Variants in AP1G1 observed in about 807,000 individuals in gnomAD.
AP1G1 encodes AP-1 complex subunit gamma-1.
Under a neutral mutation model 108.3 loss-of-function variants are expected in AP1G1, and 7 were observed. The ratio of observed to expected loss-of-function variants is 0.06; its 90% CI spans 0.04 to 0.12. The LOEUF (loss-of-function observed/expected upper bound fraction) is 0.12. AP1G1 is among the 10% of genes least tolerant of loss of function. The probability of loss-of-function intolerance (pLI) is 1.00; values close to 1 mark genes in which losing one functional copy is unlikely to be tolerated. For missense variants in AP1G1, 756 were observed against 1,010.7 expected (o/e 0.75, Z 3.42); for synonymous variants, 379 against 353.5 (o/e 1.07, Z -0.81).
intron 1 of AP1G1, among the ~76,000 whole-genome samples, chr16:71,793,955 T>G (rs1182290588): frequency 6.6e-6 from 1 of 152,158 alleles, no homozygotes; most frequent in African/African-American, 2.4e-5. Flanking sequence ...TGAGCTCAAG[T>G]GATCCACCCA....
intron 2 of AP1G1, among the ~76,000 whole-genome samples, chr16:71,776,168 C>G (rs781142484): frequency 6.6e-6 from 1 of 152,188 alleles, no homozygotes; most frequent in Non-Finnish European, 1.5e-5. Flanking sequence ...AATTTATCTA[C>G]TAAATTCGAA....
intron 1 of AP1G1, among the ~76,000 whole-genome samples, chr16:71,807,055 C>T (rs1049222192): frequency 6.6e-6 from 1 of 152,182 alleles, no homozygotes; most frequent in African/African-American, 2.4e-5. Flanking sequence ...TGTGAAAACC[C>T]AGGCTGAGAT....
chr16:71,801,710 C>G (rs1275199211), intron 1 of AP1G1, among the ~76,000 whole-genome samples: 1 of 152,106 alleles, frequency 6.6e-6, no homozygotes, highest in Non-Finnish European at 1.5e-5. Flanking sequence ...ATCACAAGGT[C>G]AGGAGATCAC....
At chr16:71,749,764 T>C in intron 15 of AP1G1, 130 bp downstream of exon 15, 2 of 747,032 alleles carry the variant, frequency 2.7e-6, no homozygotes, top group Non-Finnish European at 4.7e-6. Context: ...GCGCTGGGAT[T>C]ATAGGCATGA....
At chr16:71,758,128 T>C (rs994235475) in intron 11 of AP1G1, among the ~76,000 whole-genome samples, 43 of 152,232 alleles carry the variant, frequency 2.8e-4, no homozygotes, top group African/African-American at 9.4e-4. Flanking sequence ...CATCAATAAA[T>C]GTTTGTTAAC....
At chr16:71,734,934 G>A (rs1388144795) in intron 21 of AP1G1, among the ~76,000 whole-genome samples, 2 of 152,218 alleles carry the variant, frequency 1.3e-5, no homozygotes, top group Non-Finnish European at 2.9e-5. Flanking sequence ...ATGACAACTA[G>A]TAATAAACCA....
At position 71,748,308 on chromosome 16, in the gene AP1G1, C is replaced by T. The variant is rs761365716; in HGVS notation, c.1568G>A (p.Arg523Gln). Residue 523 changes from arginine to glutamine, a missense_variant, in exon 16 of 23, where the codon CGA (arginine) becomes CAA (glutamine). Transcript: ENST00000299980. ...CATAATGGCAGTGAGGGCATAACCTCGTGTCACAGAGGTGGACATATTAGA... is the reference window on the plus strand; with the variant it reads ...CATAATGGCAGTGAGGGCATAACCTTGTGTCACAGAGGTGGACATATTAGA... The part of the protein sequence containing the change: ...LISNMSTSVT[R>Q]GYALTAIMKL... 3.1e-6 allele frequency: 5 copies of T among 1,613,852 alleles called. No individual in the cohort carries two copies. Among genetic ancestry groups the T allele is most frequent in the Non-Finnish European group, 3.4e-6 (4 of 1,179,848 alleles).
intron 1 of AP1G1, among the ~76,000 whole-genome samples, chr16:71,793,478 A>G (rs1262978847): frequency 6.6e-6 from 1 of 152,192 alleles, no homozygotes; most frequent in Non-Finnish European, 1.5e-5. Flanking sequence ...TATCTATGAT[A>G]GTTAAAAATG....
intron 1 of AP1G1, among the ~76,000 whole-genome samples, chr16:71,807,230 T>C (rs941639255): frequency 2.8e-4 from 42 of 152,286 alleles, no homozygotes; most frequent in Admixed American, 2.7e-3. Flanking sequence ...GTTCGAGATC[T>C]GCCTGGGCAA....
At chr16:71,739,505 T>C (rs1210783317) in intron 19 of AP1G1, among the ~76,000 whole-genome samples, 164 bp from the exon 20 acceptor site, 2 of 152,126 alleles carry the variant, frequency 1.3e-5, no homozygotes, top group East Asian at 1.9e-4. Context: ...TCAAGTACTT[T>C]AAAACGAGCA....
In AP1G1 at chr16:71,773,269, T is replaced by C. The variant is rs780012525; in HGVS notation, c.420A>G (p.Gly140=). ...GSSEMCRDLA[G]EVEKLLKTSN... is the part of the protein sequence containing the mutation. ...AGGTTTTCAGGAGCTTCTCTACCTC[T>C]CCTGCAAGATCTCTGCACATCTCTG... Residue 140 remains glycine (G), a synonymous_variant, in exon 4 of 23, where the codon GGA becomes GGG. Transcript: ENST00000299980. The C allele has an allele frequency of 1.9e-6, 3 of 1,613,284 alleles. No individual in the cohort carries two copies. Among genetic ancestry groups the C allele is most frequent in the Admixed American group, 1.7e-5 (1 of 59,794 alleles).
rs1292505236 is a variant in AP1G1, at chr16:71,732,937, G to A, written c.*121C>T. On this transcript the variant is annotated 3_prime_UTR_variant, in exon 23 of 23. Transcript: ENST00000299980. The stretch of plus-strand genomic sequence containing the variant: ...AGTAACTTTAGGAAAATCCTCCTCA[G>A]CAGTTCTCTTCAGCTCCTCATGCCC... The A allele has an allele frequency of 2.8e-6, 2 of 712,276 alleles. No individual in the cohort carries two copies. Among genetic ancestry groups the A allele is most frequent in the African/African-American group, 3.6e-5 (2 of 55,992 alleles). The allele number at this position is 712,276 out of a possible 1,614,324, so 44.1% of individuals were successfully genotyped here. A position where few individuals can be genotyped will look rare whatever the true frequency, so the allele number is the denominator to read the frequency against.
At chr16:71,740,205 A>AGC (rs1192073014) in intron 19 of AP1G1, among the ~76,000 whole-genome samples, 3 of 152,200 alleles carry the variant, frequency 2.0e-5, no homozygotes, top group Non-Finnish European at 4.4e-5. Flanking sequence ...TGACAGTAAT[A>AGC]GCTTTTAGGC....
intron 2 of AP1G1, among the ~76,000 whole-genome samples, chr16:71,784,089 G>C (rs944268622): frequency 7.2e-5 from 11 of 152,050 alleles, no homozygotes; most frequent in Admixed American, 7.2e-4. Context: ...CTAGACAAAA[G>C]GTCCATATAA....
In AP1G1 at chr16:71,779,585, C is replaced by A. The variant is rs572585064; in HGVS notation, c.202-4993G>T. Among the ~76,000 whole-genome samples the A allele has an allele frequency of 6.6e-5, 10 of 152,226 alleles. 1 individual carries two copies. The highest frequency in any genetic ancestry group is 1.5e-4 in the Non-Finnish European group (10 of 68,014). ...CAAACTCCTGGCTTCAAGTGATCTGCCCACCTCGCCTCCCAAAGCACTGGT... is the reference window on the plus strand; with the variant it reads ...CAAACTCCTGGCTTCAAGTGATCTGACCACCTCGCCTCCCAAAGCACTGGT... On this transcript the variant is annotated intron_variant, in intron 2 of 22. Transcript: ENST00000299980.
intron 1 of AP1G1, among the ~76,000 whole-genome samples, chr16:71,807,045 T>C (rs1361752786): frequency 1.3e-5 from 2 of 152,250 alleles, no homozygotes; most frequent in African/African-American, 4.8e-5. Flanking sequence ...CTTTTGCAGA[T>C]GTGAAAACCC....
In AP1G1 at chr16:71,732,359, C is replaced by T. The variant is rs1241190151; in HGVS notation, c.*699G>A. 6.6e-6 allele frequency: 1 copy of T among 152,600 alleles called. No homozygotes were observed. The highest frequency in any genetic ancestry group is 1.9e-4 in the East Asian group (1 of 5,198). 9.5% of individuals were successfully genotyped at this position (152,600 alleles called of 1,614,324 possible). On this transcript the variant is annotated 3_prime_UTR_variant, in exon 23 of 23. Coordinates refer to ENST00000299980, the MANE Select transcript of AP1G1 (RefSeq NM_001128.6). ...CCATATCCTTCATGCCAAATCTCAACAAAAGCTCTTTTTAACTCCATCTGT... is the reference window on the plus strand; with the variant it reads ...CCATATCCTTCATGCCAAATCTCAATAAAAGCTCTTTTTAACTCCATCTGT...
rs2033090642 is a variant in AP1G1, at chr16:71,808,804, C to T, written c.-45G>A. On this transcript the variant is annotated 5_prime_UTR_variant, in exon 1 of 23. Transcript: ENST00000299980. The stretch of plus-strand genomic sequence containing the variant: ...ATGAAACCAGCAGCTCCGGGGGCGG[C>T]GGCAGCAGTGGCAGCAGGAACCGAA... 5 of 1,289,664 alleles carry T rather than the reference C, an allele frequency of 3.9e-6. No homozygotes were observed. The highest frequency in any genetic ancestry group is 3.7e-5 in the South Asian group (3 of 81,000). The allele number at this position is 1,289,664 out of a possible 1,614,324, so 79.9% of individuals were successfully genotyped here.
chr16:71,762,197 T>G (rs2031119194), intron 9 of AP1G1, among the ~76,000 whole-genome samples: 1 of 152,066 alleles, frequency 6.6e-6, no homozygotes, highest in Non-Finnish European at 1.5e-5. Context: ...ACAGAATGCA[T>G]TCTGACACAT....
Sources: gnomAD v4.1 joint callset for allele counts (sites outside exome capture counted in the v4.1 genomes callset) on GRCh38, gnomAD v4.1.1 for gene constraint, MANE v1.5 for transcripts, NCBI Gene and HGNC (gene_info 2026-07-23, HGNC 2026-07-21) for gene names.